The following WWOX variants were observed in gnomAD, a reference collection of about 807,000 sequenced individuals.
WWOX encodes the protein WW domain containing oxidoreductase, also known as WW domain-containing oxidoreductase.
In WWOX, 69 loss-of-function variants were observed where a neutral mutation model predicts 46.2. The ratio of observed to expected loss-of-function variants is 1.49; its 90% CI spans 1.23 to 1.82. The LOEUF (loss-of-function observed/expected upper bound fraction) is 1.82, where lower values mean the gene tolerates loss of function less well. Ranked by LOEUF, WWOX falls within the 40% of genes most tolerant of loss-of-function variation. WWOX has a pLI of 0.00. For synonymous variants in WWOX, 359 were observed against 202.6 expected, an observed-to-expected ratio of 1.77 and a Z score of -6.56; for missense variants, 919 against 542.6, an observed-to-expected ratio of 1.69 and a Z score of -6.89.
chr16:78,706,971 C>T (rs2048340581), intron 8 of WWOX, among the ~76,000 whole-genome samples: 1 of 152,156 alleles, frequency 6.6e-6, no homozygotes, highest in South Asian at 2.1e-4. Flanking sequence ...CACAAACTGC[C>T]TTTGGAAGTG....
chr16:78,996,308 G>A (rs1045841571), intron 8 of WWOX: 77 of 984,284 alleles, frequency 7.8e-5, no homozygotes, highest in Non-Finnish European at 8.9e-5. Context: ...TTGCCTTGTG[G>A]ATGTTTTTCT....
At chr16:78,317,524 G>T (rs117480044) in intron 5 of WWOX, among the ~76,000 whole-genome samples, 1 of 152,130 alleles carries the variant, frequency 6.6e-6, no homozygotes, top group Non-Finnish European at 1.5e-5. Context: ...GACAAGCATC[G>T]GGTTGGATAA....
intron 8 of WWOX, among the ~76,000 whole-genome samples, chr16:78,507,783 G>A (rs926741321): frequency 6.6e-6 from 1 of 152,112 alleles, no homozygotes; most frequent in Admixed American, 6.5e-5. Flanking sequence ...GCCATTCTCA[G>A]CATCCTGCCT....
chr16:78,750,795 G>A (rs774726904), intron 8 of WWOX, among the ~76,000 whole-genome samples: 9 of 152,142 alleles, frequency 5.9e-5, no homozygotes, highest in Admixed American at 2.6e-4. Context: ...GCTTCAAGCT[G>A]TATCCACGTT....
chr16:78,704,500 T>G (rs183115336), intron 8 of WWOX, among the ~76,000 whole-genome samples: 1 of 152,296 alleles, frequency 6.6e-6, no homozygotes. Context: ...ACTGACGGGC[T>G]GACATGAGCA....
intron 8 of WWOX, chr16:79,110,761 A>C (rs909738013): frequency 3.9e-5 from 6 of 152,210 alleles, no homozygotes; most frequent in South Asian, 2.1e-4. Context: ...AGGCTGGAGC[A>C]GGAGTTTCTG....
At chr16:78,791,523 G>T (rs1322252878) in intron 8 of WWOX, among the ~76,000 whole-genome samples, 1 of 152,090 alleles carries the variant, frequency 6.6e-6, no homozygotes, top group Non-Finnish European at 1.5e-5. Context: ...GTGTTCCCCA[G>T]ATGGGTTTCA....
chr16:78,923,477 TG>T (rs1166133669), intron 8 of WWOX, among the ~76,000 whole-genome samples: 1 of 152,216 alleles, frequency 6.6e-6, no homozygotes, highest in African/African-American at 2.4e-5. Flanking sequence ...TATTTTGTTT[TG>T]TTCTTTCTTG....
chr16:78,980,942 G>A (rs971865998), intron 8 of WWOX, among the ~76,000 whole-genome samples: 51 of 152,318 alleles, frequency 3.3e-4, no homozygotes, highest in African/African-American at 1.2e-3. Flanking sequence ...TTGAGATCGA[G>A]TGATATAAAG....
intron 8 of WWOX, among the ~76,000 whole-genome samples, chr16:78,757,906 C>T (rs911025841): frequency 1.3e-5 from 2 of 152,000 alleles, no homozygotes; most frequent in African/African-American, 2.4e-5. Context: ...GGCTCCCCCT[C>T]CTAATAATAT....
At chr16:79,040,897 G>T (rs2047958607) in intron 8 of WWOX, among the ~76,000 whole-genome samples, 1 of 152,116 alleles carries the variant, frequency 6.6e-6, no homozygotes, top group Admixed American at 6.5e-5. Context: ...TTGCCCAAGG[G>T]AGAGGTTGCT....
At chr16:78,526,894 A>G (rs1226525824) in intron 8 of WWOX, among the ~76,000 whole-genome samples, 1 of 152,124 alleles carries the variant, frequency 6.6e-6, no homozygotes, top group African/African-American at 2.4e-5. Flanking sequence ...GGCAGGTGCA[A>G]TGGCTCACGC....
intron 5 of WWOX, among the ~76,000 whole-genome samples, chr16:78,381,071 G>C (rs1292372496): frequency 1.3e-5 from 2 of 152,102 alleles, no homozygotes; most frequent in Non-Finnish European, 2.9e-5. Flanking sequence ...CCAGTGCATT[G>C]GACATACTGG....
In WWOX at chr16:78,321,360, GTA is replaced by G. The variant is rs1402520120; in HGVS notation, c.517-65491_517-65490del. 1.2e-4 allele frequency among the ~76,000 whole-genome samples: 5 copies of G among 40,314 alleles called. 1 individual carries two copies. Among genetic ancestry groups the G allele is most frequent in the Non-Finnish European group, 2.1e-4 (5 of 24,248 alleles). The allele number at this position is 40,314 out of a possible 152,430, so 26.4% of individuals were successfully genotyped here. The stretch of plus-strand genomic sequence containing the variant: ...TGCGTATATATATACGTATATATGC[GTA>G]TATATATACGTATATATGCGTATAT... On this transcript the variant is annotated intron_variant, in intron 5 of 8. Transcript: ENST00000566780.
At chr16:78,813,136 G>C (rs529370426) in intron 8 of WWOX, among the ~76,000 whole-genome samples, 69 of 146,180 alleles carry the variant, frequency 4.7e-4, no homozygotes, top group Non-Finnish European at 8.1e-4. Context: ...GTGGTTGATT[G>C]TTTTTTAGGA....
intron 8 of WWOX, among the ~76,000 whole-genome samples, chr16:78,837,999 T>C (rs2052035666): frequency 6.6e-6 from 1 of 152,188 alleles, no homozygotes; most frequent in Non-Finnish European, 1.5e-5. Context: ...CAAAGGTCTT[T>C]GCACCTCCCA....
intron 1 of WWOX, among the ~76,000 whole-genome samples, chr16:78,106,302 T>G (rs1262615519): frequency 6.6e-6 from 1 of 152,206 alleles, no homozygotes. Flanking sequence ...GTTTATCTGA[T>G]TGCTGTTGCC....
At chr16:78,556,130 G>A (rs1445112770) in intron 8 of WWOX, among the ~76,000 whole-genome samples, 1 of 151,970 alleles carries the variant, frequency 6.6e-6, no homozygotes, top group Non-Finnish European at 1.5e-5. Flanking sequence ...ACCACAGACA[G>A]GCTTTTTCAA....
intron 8 of WWOX, among the ~76,000 whole-genome samples, chr16:78,938,804 G>C (rs1323005403): frequency 6.6e-6 from 1 of 152,226 alleles, no homozygotes; most frequent in African/African-American, 2.4e-5. Context: ...GATAGAGAGG[G>C]GCTGGCGAGG....
Sources: gnomAD v4.1 joint callset for allele counts (sites outside exome capture counted in the v4.1 genomes callset) on GRCh38, gnomAD v4.1.1 for gene constraint, MANE v1.5 for transcripts, NCBI Gene and HGNC (gene_info 2026-07-23, HGNC 2026-07-21) for gene names.